The following ZIC4 variants were observed in gnomAD, a reference collection of about 807,000 sequenced individuals.
The protein encoded by ZIC4 is zinc finger protein ZIC 4.
In ZIC4, 15 loss-of-function variants were observed where a neutral mutation model predicts 28.8. The observed-to-expected ratio is 0.52, with a 90% CI of 0.35 to 0.80. The LOEUF (loss-of-function observed/expected upper bound fraction) is 0.80, where lower values mean the gene tolerates loss of function less well. Among genes scored for constraint, ZIC4 ranks in the 30% least tolerant of loss-of-function variants. ZIC4 has a pLI of 0.01. For missense variants in ZIC4, 512 were observed against 467.1 expected, an observed-to-expected ratio of 1.10 and a Z score of -0.89; for synonymous variants, 220 against 198.1, an observed-to-expected ratio of 1.11 and a Z score of -0.93.
intron 3 of ZIC4, chr3:147,393,724 G>A (rs1047549482): frequency 2.8e-6 from 1 of 352,582 alleles, no homozygotes. Flanking sequence ...CGGATCCCCA[G>A]CACTGACTCG....
chr3:147,395,824 C>T (rs2107973572), intron 3 of ZIC4, 28 bp downstream of exon 3: 1 of 1,587,614 alleles, frequency 6.3e-7, no homozygotes, highest in East Asian at 2.2e-5. Context: ...AGAGGGTCCG[C>T]ACGCGACAGA....
At position 147,406,543 on chromosome 3, in the gene ZIC4, C is replaced by G. The variant is rs1394219638; in HGVS notation, c.-196G>C. On this transcript the variant is annotated 5_prime_UTR_variant, in exon 1 of 5. Transcript: ENST00000383075. The stretch of plus-strand genomic sequence containing the variant: ...AATGTATGATGAAGCAGAAATGAGC[C>G]GTCAGGATGATATTTTAATGGCTTA... 6.6e-6 allele frequency: 1 copy of G among 152,512 alleles called. No individual in the cohort carries two copies. Among genetic ancestry groups the G allele is most frequent in the African/African-American group, 2.4e-5 (1 of 41,380 alleles). 9.4% of individuals were successfully genotyped at this position (152,512 alleles called of 1,614,324 possible).
Position 147,396,540 on chromosome 3 carries a change from G to A in ZIC4, c.71-71C>T, listed in dbSNP as rs901269110. ...TGCGCGCTCTTCCCTGGGCCCCGGGGGGCAGGCCCAGCCCTGCCGCACTAC... is the reference window on the plus strand; with the variant it reads ...TGCGCGCTCTTCCCTGGGCCCCGGGAGGCAGGCCCAGCCCTGCCGCACTAC... On this transcript the variant is annotated intron_variant, in intron 2 of 4. Transcript: ENST00000383075. This position sits in a 1 kb window ranked among gnomAD's most constrained non-coding sequence, Gnocchi z 4.2. 1.4e-6 allele frequency: 2 copies of A among 1,473,264 alleles called. No homozygotes were observed. The highest frequency in any genetic ancestry group is 1.8e-6 in the Non-Finnish European group (2 of 1,121,258). 91.3% of individuals were successfully genotyped at this position (1,473,264 alleles called of 1,614,324 possible). A position where few individuals can be genotyped will look rare whatever the true frequency, so the allele number is the denominator to read the frequency against.
Position 147,399,663 on chromosome 3 carries a change from A to ATTTTTTT in ZIC4, c.70+3058_70+3064dup, listed in dbSNP as rs34229132. ...AAGACTCTGATTTGCAAAAACACGGATTTTTTTTTTTTTTTTTTTTGAGAG... is the reference window on the plus strand; with the variant it reads ...AAGACTCTGATTTGCAAAAACACGGATTTTTTTTTTTTTTTTTTTTTTTTTTTGAGAG... On this transcript the variant is annotated intron_variant, in intron 2 of 4. Coordinates refer to ENST00000383075, the MANE Select transcript of ZIC4 (RefSeq NM_032153.6). 6.2e-5 allele frequency among the ~76,000 whole-genome samples: 8 copies of ATTTTTTT among 128,022 alleles called. 1 individual carries two copies. The highest frequency in any genetic ancestry group is 2.4e-4 in the Admixed American group (3 of 12,464). The allele number at this position is 128,022 out of a possible 152,430, so 84.0% of individuals were successfully genotyped here.
At chr3:147,391,314 C>G (rs2086913244) in intron 3 of ZIC4, 68 bp from the exon 4 acceptor site, 2 of 1,457,058 alleles carry the variant, frequency 1.4e-6, no homozygotes, top group South Asian at 2.8e-5. Context: ...TGCCACCCTC[C>G]CCCATTCGTC....
rs75650531 is a variant in ZIC4 at position 147,391,036 on chromosome 3, G to C, written c.899C>G (p.Ser300Trp). The change falls in exon 4 of 5, where the codon TCG becomes TGG. Residue 300 changes from serine (S) to tryptophan (W), a missense_variant. Coordinates refer to ENST00000383075, the MANE Select transcript of ZIC4 (RefSeq NM_032153.6). Reference protein sequence around the residue: ...RSPPPSSGYDSATPSALVSPS... With the variant: ...RSPPPSSGYDWATPSALVSPS... ...CGACACGAGGGCAGACGGTGTAGCCGAATCGTAGCCAGAGCTGGGCGGCGG... is the reference window on the plus strand; with the variant it reads ...CGACACGAGGGCAGACGGTGTAGCCCAATCGTAGCCAGAGCTGGGCGGCGG... 1.1e-5 allele frequency: 17 copies of C among 1,613,834 alleles called. No homozygotes were observed. In the African/African-American group the frequency reaches 2.0e-4, roughly 19 times the overall value.
chr3:147,391,987 C>T (rs1483436343), intron 3 of ZIC4: 3 of 985,300 alleles, frequency 3.0e-6, no homozygotes, highest in South Asian at 4.7e-5. Flanking sequence ...TTCCGGGATC[C>T]CTCCAGATAC....
chr3:147,406,443 A>T lies in ZIC4; in HGVS notation c.-96T>A, dbSNP rs1288247011. ...TGAGAGGGGACCACAAACCCCTCCA[A>T]GCCTCTCTTTTGTGGTTCCAGCGAG... On this transcript the variant is annotated 5_prime_UTR_variant, in exon 1 of 5. In the 5' UTR this introduces an upstream ATG that the reference lacks. Coordinates refer to ENST00000383075, the MANE Select transcript of ZIC4 (RefSeq NM_032153.6). 1 of 152,570 alleles carries T rather than the reference A, an allele frequency of 6.6e-6. No individual in the cohort carries two copies. The highest frequency in any genetic ancestry group is 1.5e-5 in the Non-Finnish European group (1 of 68,054). The allele number at this position is 152,570 out of a possible 1,614,324, so 9.5% of individuals were successfully genotyped here. A position where few individuals can be genotyped will look rare whatever the true frequency, so the allele number is the denominator to read the frequency against.
At chr3:147,403,254 G>A (rs1576464622) in intron 1 of ZIC4, among the ~76,000 whole-genome samples, 2 of 152,118 alleles carry the variant, frequency 1.3e-5, no homozygotes, top group African/African-American at 2.4e-5. Flanking sequence ...GCTAAAATTT[G>A]ATTTATAACT....
At chr3:147,398,534 G>A (rs1215454849) in intron 2 of ZIC4, among the ~76,000 whole-genome samples, 1 of 152,096 alleles carries the variant, frequency 6.6e-6, no homozygotes, top group Admixed American at 6.5e-5. Flanking sequence ...CTTTGGGGGC[G>A]AGCGGTAGTC....
At position 147,392,298 on chromosome 3, in the gene ZIC4, C is replaced by G. The variant is rs1021791234; in HGVS notation, c.689-1052G>C. 6.1e-6 allele frequency: 6 copies of G among 985,640 alleles called. No individual in the cohort carries two copies. The African/African-American group carries it at 1.0e-4, about 17-fold the overall frequency. 61.1% of individuals were successfully genotyped at this position (985,640 alleles called of 1,614,324 possible). ...CTCCGCAGCCCGGAGGGCCACCAGG[C>G]GGCTGGCATAGGCCGGGGAGGGGCT... On this transcript the variant is annotated intron_variant, in intron 3 of 4. Coordinates refer to ENST00000383075, the MANE Select transcript of ZIC4 (RefSeq NM_032153.6).
intron 4 of ZIC4, chr3:147,389,438 A>C (rs955596299): frequency 1.3e-5 from 2 of 152,290 alleles, no homozygotes; most frequent in African/African-American, 2.4e-5. Context: ...GAGAAAACCT[A>C]CCTCCCTCCC....
chr3:147,390,990 G>A lies in ZIC4; in HGVS notation c.945C>T (p.His315=). The part of the protein sequence containing the change: ...ALVSPSSDCG[H]KSQVASSAAV... ...CCGCCGAGGAGGCCACCTGGGACTT[G>A]TGGCCGCAGTCCGACGAGGGCGACA... is the stretch of plus-strand genomic sequence containing the variant. Residue 315 remains histidine, a synonymous_variant, in exon 4 of 5, where the codon CAC becomes CAT. Coordinates refer to ENST00000383075, the MANE Select transcript of ZIC4 (RefSeq NM_032153.6). 6.2e-7 allele frequency: 1 copy of A among 1,613,236 alleles called. No individual in the cohort carries two copies. Among genetic ancestry groups the A allele is most frequent in the African/African-American group, 1.3e-5 (1 of 75,066 alleles).
Position 147,406,365 on chromosome 3 carries a change from CA to C in ZIC4, c.-19del, listed in dbSNP as rs1411276532. 3 of 152,572 alleles carry C rather than the reference CA, an allele frequency of 2.0e-5. No individual in the cohort carries two copies. The highest frequency in any genetic ancestry group is 4.4e-5 in the Non-Finnish European group (3 of 68,266). The allele number at this position is 152,572 out of a possible 1,614,324, so 9.5% of individuals were successfully genotyped here. On this transcript the variant is annotated 5_prime_UTR_variant, in exon 1 of 5. Transcript: ENST00000383075. ...GCCCCCTGGACTCACGCACTTACCC[CA>C]CTCCACCTGTTGCCAGGATCGCCTC...
intron 4 of ZIC4, 30 bp downstream of exon 4, chr3:147,390,901 G>T (rs1036823660): frequency 2.3e-5 from 36 of 1,572,138 alleles, no homozygotes; most frequent in Non-Finnish European, 2.9e-5. Context: ...GGGGGCAGCC[G>T]CTATGGGGCC....
Position 147,396,042 on chromosome 3 carries a change from C to T in ZIC4, c.498G>A (p.Pro166=), listed in dbSNP as rs556414979. 5 of 1,614,264 alleles carry T rather than the reference C, an allele frequency of 3.1e-6. No individual in the cohort carries two copies. Among genetic ancestry groups the T allele is most frequent in the South Asian group, 1.1e-5 (1 of 91,092 alleles). ...AGAAGCAAATGTGGTTGGCCTGTTC[C>T]GGGCCGCCGACGTGCTCCACGGTGA... The part of the protein sequence containing the change: ...THVTVEHVGG[P]EQANHICFWE... The change falls in exon 3 of 5, where the codon CCG becomes CCA. Residue 166 remains proline, a synonymous_variant. Coordinates refer to ENST00000383075, the MANE Select transcript of ZIC4 (RefSeq NM_032153.6). The surrounding 1 kb of genome is among the most constrained non-coding windows in gnomAD (Gnocchi z 4.2).
intron 2 of ZIC4, among the ~76,000 whole-genome samples, chr3:147,401,540 G>T (rs987437754): frequency 6.6e-6 from 1 of 152,132 alleles, no homozygotes; most frequent in East Asian, 1.9e-4. Context: ...TTCTGGCCAG[G>T]TTGCCACCCT....
intron 3 of ZIC4, among the ~76,000 whole-genome samples, chr3:147,394,108 T>A (rs188354330): frequency 1.6e-4 from 24 of 149,766 alleles, no homozygotes; most frequent in Non-Finnish European, 3.3e-4. Context: ...TTGAGAAATA[T>A]TTTTTTTCCC....
At chr3:147,389,603 T>C (rs2086867884) in intron 4 of ZIC4, among the ~76,000 whole-genome samples, 1 of 152,128 alleles carries the variant, frequency 6.6e-6, no homozygotes, top group South Asian at 2.1e-4. Context: ...AAAAAGGACC[T>C]GATTTTTTTC....
Sources: gnomAD v4.1 joint callset for allele counts (sites outside exome capture counted in the v4.1 genomes callset) on GRCh38, gnomAD v4.1.1 for gene constraint, Gnocchi (gnomAD v3.1) non-coding constraint, MANE v1.5 for transcripts, NCBI Gene and HGNC (gene_info 2026-07-23, HGNC 2026-07-21) for gene names.